PHACTR1: variants seen among roughly 807,000 people sequenced by gnomAD.
The protein encoded by PHACTR1 is phosphatase and actin regulator 1.
Under a neutral mutation model 69.2 loss-of-function variants are expected in PHACTR1, and 16 were observed. That is an observed-to-expected ratio of 0.23 (90% CI 0.16 to 0.35). PHACTR1 has a LOEUF of 0.35. PHACTR1 is among the 10% of genes least tolerant of loss of function. PHACTR1 has a pLI of 1.00. For missense variants in PHACTR1, 510 were observed against 734.7 expected, an observed-to-expected ratio of 0.69 and a Z score of 3.54; for synonymous variants, 312 against 284.5, an observed-to-expected ratio of 1.10 and a Z score of -0.97.
At chr6:13,004,536 C>G (rs527556035) in intron 4 of PHACTR1, among the ~76,000 whole-genome samples, 1 of 152,224 alleles carries the variant, frequency 6.6e-6, no homozygotes, top group African/African-American at 2.4e-5. Flanking sequence ...AGTTCTTTGT[C>G]AATATATCCT....
chr6:12,863,021 T>C (rs187022184), intron 4 of PHACTR1, among the ~76,000 whole-genome samples: 2 of 152,342 alleles, frequency 1.3e-5, no homozygotes, highest in Non-Finnish European at 2.9e-5. Flanking sequence ...GCTTTTCACC[T>C]TTAGATGGGG....
chr6:12,766,592 A>G (rs1768644785), intron 4 of PHACTR1, among the ~76,000 whole-genome samples: 1 of 152,054 alleles, frequency 6.6e-6, no homozygotes, highest in South Asian at 2.1e-4. Context: ...TGGAGGCAAC[A>G]CATACACCAT....
rs552396969 is a variant in PHACTR1, at chr6:12,817,298, T to C, written c.250+67508T>C. 1.8e-4 allele frequency among the ~76,000 whole-genome samples: 27 copies of C among 152,324 alleles called. 2 individuals are homozygous for C. In the South Asian group the frequency reaches 5.4e-3, roughly 30 times the overall value. ...ATCATCACATCGTATGTATCCCTTT[T>C]CTGGTAACTTTTACTCCTCTCTGTA... On this transcript the variant is annotated intron_variant, in intron 4 of 14. Coordinates refer to ENST00000332995, the MANE Select transcript of PHACTR1 (RefSeq NM_030948.6).
At chr6:12,914,367 T>C (rs1786736386) in intron 4 of PHACTR1, among the ~76,000 whole-genome samples, 2 of 152,178 alleles carry the variant, frequency 1.3e-5, no homozygotes, top group South Asian at 2.1e-4. Context: ...CTCACCTCTT[T>C]TGCTGGCTCC....
At chr6:13,086,217 C>T (rs372782840) in intron 5 of PHACTR1, among the ~76,000 whole-genome samples, 1 of 151,288 alleles carries the variant, frequency 6.6e-6, no homozygotes, top group Admixed American at 6.6e-5. Flanking sequence ...AAAAGAGTTT[C>T]TATAACATAA....
intron 4 of PHACTR1, among the ~76,000 whole-genome samples, chr6:12,884,373 T>A (rs1156339161): frequency 1.3e-5 from 2 of 152,064 alleles, no homozygotes; most frequent in Non-Finnish European, 2.9e-5. Flanking sequence ...CATGGTTCAG[T>A]CCAGACAAGT....
intron 4 of PHACTR1, among the ~76,000 whole-genome samples, chr6:12,956,514 G>C (rs1235536110): frequency 9.9e-5 from 15 of 152,160 alleles, no homozygotes; most frequent in Admixed American, 9.8e-4. Flanking sequence ...TCTATCTAGA[G>C]TGGCCTGAGG....
intron 4 of PHACTR1, among the ~76,000 whole-genome samples, chr6:12,873,471 C>A (rs1423376829): frequency 6.6e-6 from 1 of 151,464 alleles, no homozygotes; most frequent in Non-Finnish European, 1.5e-5. Context: ...TGGGAGAGAA[C>A]GATATAAACA....
chr6:12,853,937 G>T (rs760263903), intron 4 of PHACTR1, among the ~76,000 whole-genome samples: 40 of 152,156 alleles, frequency 2.6e-4, no homozygotes, highest in Non-Finnish European at 4.3e-4. Context: ...AAATTAATAT[G>T]ATGTCAATAG....
intron 3 of PHACTR1, among the ~76,000 whole-genome samples, chr6:12,738,944 G>C (rs1334666150): frequency 6.6e-6 from 1 of 152,118 alleles, no homozygotes; most frequent in African/African-American, 2.4e-5. Context: ...TTTTAAACCA[G>C]TTTTAATCTA....
At chr6:13,029,859 T>C (rs1189985759) in intron 4 of PHACTR1, among the ~76,000 whole-genome samples, 1 of 152,214 alleles carries the variant, frequency 6.6e-6, no homozygotes, top group Admixed American at 6.5e-5. Flanking sequence ...CAGGTCAGAT[T>C]TGAACTGAAG....
chr6:13,182,846 G>A lies in PHACTR1; in HGVS notation c.664+160G>A, dbSNP rs553157657. 2.6e-5 allele frequency among the ~76,000 whole-genome samples: 4 copies of A among 152,194 alleles called. No individual in the cohort carries two copies. In the East Asian group the frequency reaches 7.7e-4, roughly 29 times the overall value. ...CAGATTAGTTTTTAGTACATACTGA[G>A]TATTTTTAAAAATGGAATATACTTA... On this transcript the variant is annotated intron_variant, in intron 7 of 14. Transcript: ENST00000332995.
At chr6:13,019,199 C>T (rs779064764) in intron 4 of PHACTR1, among the ~76,000 whole-genome samples, 3 of 152,012 alleles carry the variant, frequency 2.0e-5, no homozygotes, top group Middle Eastern at 3.4e-3. Context: ...AAGCGTGAGC[C>T]GCAGTGCCTG....
chr6:12,860,789 T>C (rs1476146031), intron 4 of PHACTR1, among the ~76,000 whole-genome samples: 1 of 152,226 alleles, frequency 6.6e-6, no homozygotes, highest in Non-Finnish European at 1.5e-5. Context: ...GCCACATAAA[T>C]GTCTTCTTTT....
At chr6:12,789,386 A>AT (rs902770549) in intron 4 of PHACTR1, among the ~76,000 whole-genome samples, 8 of 151,302 alleles carry the variant, frequency 5.3e-5, no homozygotes, top group South Asian at 2.1e-4. Context: ...CCTATCCCTG[A>AT]TTTTTTTTTA....
At chr6:13,111,905 A>G (rs184086159) in intron 5 of PHACTR1, among the ~76,000 whole-genome samples, 1 of 152,160 alleles carries the variant, frequency 6.6e-6, no homozygotes, top group African/African-American at 2.4e-5. Context: ...AGTTCAGGGC[A>G]TATGTACAGA....
chr6:12,769,652 C>A (rs1290443908), intron 4 of PHACTR1, among the ~76,000 whole-genome samples: 4 of 152,214 alleles, frequency 2.6e-5, no homozygotes, highest in Non-Finnish European at 1.5e-5. Flanking sequence ...ATAGTGAGCA[C>A]TGAGGAAATG....
chr6:12,777,018 C>T (rs896249066), intron 4 of PHACTR1, among the ~76,000 whole-genome samples: 3 of 152,086 alleles, frequency 2.0e-5, no homozygotes, highest in Non-Finnish European at 4.4e-5. Context: ...CACTCATGTT[C>T]AAGGTTAGAA....
intron 6 of PHACTR1, among the ~76,000 whole-genome samples, chr6:13,164,860 A>G (rs150008805): frequency 9.8e-5 from 15 of 152,372 alleles, no homozygotes; most frequent in African/African-American, 3.6e-4. Context: ...GCTTGGGTCT[A>G]AGAAAAGTAA....
Sources: gnomAD v4.1 joint callset for allele counts (sites outside exome capture counted in the v4.1 genomes callset) on GRCh38, gnomAD v4.1.1 for gene constraint, MANE v1.5 for transcripts, NCBI Gene and HGNC (gene_info 2026-07-23, HGNC 2026-07-21) for gene names.